The following ENY2 variants were observed in gnomAD, a reference collection of about 807,000 sequenced individuals.
The protein encoded by ENY2 is transcription and mRNA export factor ENY2.
A neutral mutation model predicts 15.9 loss-of-function variants in ENY2; 4 were observed. That is an observed-to-expected ratio of 0.25 (90% CI 0.12 to 0.57). ENY2 has a LOEUF of 0.57. Ranked by LOEUF, ENY2 falls within the 20% of genes least tolerant of loss-of-function variation. The pLI, the probability that ENY2 is intolerant of heterozygous loss-of-function variation, is 0.91. For missense variants in ENY2, 54 were observed against 117.2 expected (o/e 0.46, Z 2.49); for synonymous variants, 48 against 38.0 (o/e 1.26, Z -0.97).
intron 2 of ENY2, chr8:109,338,793 A>G (rs1816049240): frequency 6.6e-6 from 1 of 152,488 alleles, no homozygotes; most frequent in Non-Finnish European, 1.5e-5. Flanking sequence ...CTTACAGTCA[A>G]TGAAATACCA....
chr8:109,336,065 A>G (rs888736441), intron 1 of ENY2, 63 bp from the exon 2 acceptor site: 3 of 1,491,166 alleles, frequency 2.0e-6, no homozygotes, highest in South Asian at 1.2e-5. Flanking sequence ...ATGCCTGCCT[A>G]GAGGATTTAG....
intron 1 of ENY2, chr8:109,334,831 C>G: frequency 2.7e-6 from 1 of 365,942 alleles, no homozygotes; most frequent in Non-Finnish European, 5.0e-6. Context: ...GTTCAATATT[C>G]CAGGAGTGGT....
intron 4 of ENY2, among the ~76,000 whole-genome samples, chr8:109,341,382 C>T (rs1816109044): frequency 6.6e-6 from 1 of 151,876 alleles, no homozygotes; most frequent in Non-Finnish European, 1.5e-5. Context: ...TCCCATGGTC[C>T]TTGTCAGCCA....
At chr8:109,334,546 C>G (rs1225720713) in intron 1 of ENY2, 72 bp downstream of exon 1, 11 of 1,534,484 alleles carry the variant, frequency 7.2e-6, no homozygotes, top group Non-Finnish European at 8.8e-6. Context: ...TACTGTCTTT[C>G]GTTAGCGTCC....
chr8:109,342,772 G>A (rs1397850254), intron 4 of ENY2: 1 of 695,164 alleles, frequency 1.4e-6, no homozygotes, highest in Non-Finnish European at 2.6e-6. Context: ...CCAGACTGCT[G>A]GGATGACAGG....
chr8:109,336,242 G>T, intron 2 of ENY2, 38 bp downstream of exon 2: 1 of 1,491,836 alleles, frequency 6.7e-7, no homozygotes, highest in African/African-American at 1.4e-5. Flanking sequence ...ACATTTCACC[G>T]CCTTTAATAG....
At chr8:109,337,622 G>C (rs1479028546) in intron 2 of ENY2, among the ~76,000 whole-genome samples, 1 of 152,170 alleles carries the variant, frequency 6.6e-6, no homozygotes, top group Non-Finnish European at 1.5e-5. Flanking sequence ...ATCAGAAGGA[G>C]GCCGTGCATA....
In ENY2 at chr8:109,339,308, C is replaced by G; in HGVS notation, c.84-12C>G. 1 of 1,612,914 alleles carries G rather than the reference C, an allele frequency of 6.2e-7. No homozygotes were observed. Among genetic ancestry groups the G allele is most frequent in the South Asian group, 1.1e-5 (1 of 91,042 alleles). On this transcript the variant is annotated splice_polypyrimidine_tract_variant and intron_variant, in intron 2 of 4. Coordinates refer to ENST00000521688, the MANE Select transcript of ENY2 (RefSeq NM_020189.6). ...TACATTGTTCAATTTGAAAACACTT[C>G]TGTTTCAACAGCCTCAAAGAGTTGC... is the stretch of plus-strand genomic sequence containing the variant.
Position 109,336,166 on chromosome 8 carries a change from G to C in ENY2, c.45G>C (p.Ala15=), listed in dbSNP as rs562639905. ...ACAAAGATGCGCAGATGAGAGCAGCGATTAACCAAAAGTTGATAGAAACTG... is the reference window on the plus strand; with the variant it reads ...ACAAAGATGCGCAGATGAGAGCAGCCATTAACCAAAAGTTGATAGAAACTG... ...KMNKDAQMRA[A]INQKLIETGE... The change falls in exon 2 of 5, where the codon GCG becomes GCC. Residue 15 remains alanine, a synonymous_variant. Coordinates refer to ENST00000521688, the MANE Select transcript of ENY2 (RefSeq NM_020189.6). 6.2e-7 allele frequency: 1 copy of C among 1,613,524 alleles called. No homozygotes were observed. The highest frequency in any genetic ancestry group is 2.2e-5 in the East Asian group (1 of 44,842).
chr8:109,337,942 C>CT (rs1003094214), intron 2 of ENY2, among the ~76,000 whole-genome samples: 9 of 151,632 alleles, frequency 5.9e-5, no homozygotes, highest in Non-Finnish European at 7.4e-5. Context: ...AGCAGGGACT[C>CT]TTTAAGTTCC....
At chr8:109,337,962 A>C (rs767012727) in intron 2 of ENY2, among the ~76,000 whole-genome samples, 1 of 151,496 alleles carries the variant, frequency 6.6e-6, no homozygotes, top group Non-Finnish European at 1.5e-5. Context: ...CTGAGATAGG[A>C]GCTTGCCTTT....
chr8:109,338,981 T>C, intron 2 of ENY2: 1 of 223,188 alleles, frequency 4.5e-6, no homozygotes, highest in Non-Finnish European at 8.8e-6. Context: ...GTTAATACTT[T>C]CTAGATGTTG....
intron 2 of ENY2, chr8:109,339,109 A>AG: frequency 1.7e-6 from 1 of 575,744 alleles, no homozygotes; most frequent in South Asian, 2.2e-5. Context: ...TTCACTCATT[A>AG]AATGAGACCC....
chr8:109,337,967 GC>G (rs1816027603), intron 2 of ENY2, among the ~76,000 whole-genome samples: 2 of 152,134 alleles, frequency 1.3e-5, no homozygotes, highest in African/African-American at 4.8e-5. Context: ...ATAGGAGCTT[GC>G]CTTTCATTTT....
intron 4 of ENY2, among the ~76,000 whole-genome samples, chr8:109,341,528 T>G (rs1381593196): frequency 6.6e-6 from 1 of 152,188 alleles, no homozygotes; most frequent in African/African-American, 2.4e-5. Flanking sequence ...TTTTGTTTTC[T>G]TCTGTGACTT....
chr8:109,342,046 A>G (rs1816124239), intron 4 of ENY2, among the ~76,000 whole-genome samples: 3 of 152,208 alleles, frequency 2.0e-5, no homozygotes, highest in Admixed American at 2.0e-4. Flanking sequence ...TTTGTAAAGA[A>G]GAATATCTGG....
At chr8:109,334,649 C>T (rs1409109402) in intron 1 of ENY2, 175 bp downstream of exon 1, 4 of 633,286 alleles carry the variant, frequency 6.3e-6, no homozygotes, top group Non-Finnish European at 1.1e-5. Context: ...TCTGGCTCCT[C>T]CTCTCCCGCC....
At chr8:109,334,551 G>C (rs1027271105) in intron 1 of ENY2, 77 bp downstream of exon 1, 1 of 1,523,132 alleles carries the variant, frequency 6.6e-7, no homozygotes, top group East Asian at 2.4e-5. Flanking sequence ...TCTTTCGTTA[G>C]CGTCCCCGAC....
chr8:109,344,302 C>G lies in ENY2; in HGVS notation c.*821C>G, dbSNP rs1816185980. ...AGTTCCTTCTGTTTCTTGTGGAGTA[C>G]CTTTTGCTGTCTGGGACTTGTAGAT... is the stretch of plus-strand genomic sequence containing the variant. On this transcript the variant is annotated 3_prime_UTR_variant, in exon 5 of 5. Transcript: ENST00000521688. 6.6e-6 allele frequency: 1 copy of G among 152,234 alleles called. No homozygotes were observed. The highest frequency in any genetic ancestry group is 2.4e-5 in the African/African-American group (1 of 41,436). 9.4% of individuals were successfully genotyped at this position (152,234 alleles called of 1,614,324 possible).
Sources: allele counts gnomAD v4.1 joint callset (sites outside exome capture counted in the v4.1 genomes callset), GRCh38; gene constraint gnomAD v4.1.1; transcripts MANE v1.5; gene names NCBI Gene and HGNC (gene_info 2026-07-23, HGNC 2026-07-21).